TBL1XR1: variants seen among roughly 807,000 people sequenced by gnomAD.
TBL1XR1 encodes the protein F-box-like/WD repeat-containing protein TBL1XR1.
Under a neutral mutation model 66.9 loss-of-function variants are expected in TBL1XR1, and 5 were observed. The ratio of observed to expected loss-of-function variants is 0.07; its 90% CI spans 0.04 to 0.16. The LOEUF is 0.16. Among genes scored for constraint, TBL1XR1 ranks in the 10% least tolerant of loss-of-function variants. TBL1XR1 has a pLI of 1.00. For synonymous variants in TBL1XR1, 210 were observed against 206.0 expected (o/e 1.02, Z -0.17); for missense variants, 238 against 623.2 (o/e 0.38, Z 6.58).
upstream of TBL1XR1, among the ~76,000 whole-genome samples, chr3:177,198,802 G>T (rs1372591668): frequency 1.3e-5 from 2 of 151,840 alleles, no homozygotes; most frequent in African/African-American, 4.8e-5. Context: ...TTTGAAAATA[G>T]ATGTAGTGAT....
At chr3:177,160,021 A>G (rs1731987101) in intron 1 of TBL1XR1, among the ~76,000 whole-genome samples, 1 of 152,212 alleles carries the variant, frequency 6.6e-6, no homozygotes, top group Non-Finnish European at 1.5e-5. Flanking sequence ...AGACAGCTAG[A>G]TTTGCATGTA....
At chr3:177,089,342 C>A (rs1023998245) in intron 2 of TBL1XR1, among the ~76,000 whole-genome samples, 4 of 152,184 alleles carry the variant, frequency 2.6e-5, no homozygotes, top group African/African-American at 7.2e-5. Context: ...AGGTCAGGAG[C>A]TGCTGCCCTG....
At chr3:177,035,937 T>C (rs758891605) in intron 12 of TBL1XR1, among the ~76,000 whole-genome samples, 3 of 152,162 alleles carry the variant, frequency 2.0e-5, no homozygotes, top group Non-Finnish European at 2.9e-5. Context: ...TCAACACCAT[T>C]AGAGGGTAAC....
intron 1 of TBL1XR1, among the ~76,000 whole-genome samples, chr3:177,168,866 T>C (rs1435967521): frequency 6.6e-6 from 1 of 152,212 alleles, no homozygotes; most frequent in Non-Finnish European, 1.5e-5. Context: ...TCTTCAGCCA[T>C]TTTATGGTTT....
chr3:177,079,301 C>T (rs146878033), intron 2 of TBL1XR1, among the ~76,000 whole-genome samples: 11 of 151,690 alleles, frequency 7.3e-5, no homozygotes, highest in Non-Finnish European at 1.0e-4. Context: ...GGCGTGGTGG[C>T]AGGCGCCTGT....
At chr3:177,139,873 G>A (rs533907514) in intron 1 of TBL1XR1, among the ~76,000 whole-genome samples, 14 of 152,282 alleles carry the variant, frequency 9.2e-5, no homozygotes, top group African/African-American at 3.4e-4. Context: ...AGTAACTGGA[G>A]TCTCACCAGT....
At chr3:177,040,470 T>TA (rs36116224) in intron 10 of TBL1XR1, among the ~76,000 whole-genome samples, 5,632 of 152,264 alleles carry the variant, frequency 0.037, 146 homozygotes, top group South Asian at 0.056. Flanking sequence ...CTGGCTATGT[T>TA]AAAAATGAAA....
At chr3:177,050,263 G>T in intron 6 of TBL1XR1, 125 bp from the exon 7 acceptor site, 1 of 1,354,896 alleles carries the variant, frequency 7.4e-7, no homozygotes, top group East Asian at 2.3e-5. Context: ...TTCATTTCCA[G>T]TATTTTTCCC....
intron 1 of TBL1XR1, among the ~76,000 whole-genome samples, chr3:177,114,482 G>A (rs1726050746): frequency 6.6e-6 from 1 of 151,766 alleles, no homozygotes; most frequent in African/African-American, 2.4e-5. Flanking sequence ...TTAACTTTTT[G>A]TAGAGACGGG....
Position 177,026,266 on chromosome 3 carries a change from C to A in TBL1XR1, c.1518+107G>T, listed in dbSNP as rs1053960872. ...AGGAAAAAAAAAAATCAGTATCATA[C>A]CTTAAAATTTATTTTGAAAAAAACA... On this transcript the variant is annotated intron_variant, in intron 15 of 15. Transcript: ENST00000457928. 1.0e-5 allele frequency: 9 copies of A among 879,270 alleles called. No homozygotes were observed. In the African/African-American group the frequency reaches 1.2e-4, roughly 12 times the overall value. 54.5% of individuals were successfully genotyped at this position (879,270 alleles called of 1,614,324 possible).
In TBL1XR1 at chr3:177,158,417, C is replaced by T. The variant is rs144482921; in HGVS notation, c.-122+38704G>A. On this transcript the variant is annotated intron_variant, in intron 1 of 15. Coordinates refer to ENST00000457928, the MANE Select transcript of TBL1XR1 (RefSeq NM_024665.7). ...CTAATTTTTGTATTTTTAGTAGACA[C>T]GGAGTTTCACCATGTTGGCCAGGCT... 8.6e-3 allele frequency among the ~76,000 whole-genome samples: 1,301 copies of T among 151,878 alleles called. 20 individuals are homozygous for T. The highest frequency in any genetic ancestry group is 0.03 in the African/African-American group (1,246 of 41,428).
At chr3:177,032,459 C>CA (rs1714141213) in intron 14 of TBL1XR1, 1 of 152,092 alleles carries the variant, frequency 6.6e-6, no homozygotes, top group Non-Finnish European at 1.5e-5. Flanking sequence ...GTACATAGAG[C>CA]AAAAAACTAA....
intron 10 of TBL1XR1, 74 bp from the exon 11 acceptor site, chr3:177,038,508 T>C (rs766513673): frequency 1.2e-5 from 16 of 1,362,220 alleles, no homozygotes; most frequent in South Asian, 9.8e-5. Context: ...CTTTGAACCA[T>C]TGTTGACTAA....
chr3:177,111,002 A>G (rs868363688), intron 1 of TBL1XR1: 1 of 152,298 alleles, frequency 6.6e-6, no homozygotes, highest in African/African-American at 2.4e-5. Flanking sequence ...TCAACTAGAC[A>G]AATTCACAAA....
At chr3:177,157,272 A>G (rs772709981) in intron 1 of TBL1XR1, among the ~76,000 whole-genome samples, 3 of 152,170 alleles carry the variant, frequency 2.0e-5, no homozygotes, top group Non-Finnish European at 4.4e-5. Context: ...GTTTCTTTTG[A>G]CTTTTCTAGA....
chr3:177,121,845 A>C (rs761868282), intron 1 of TBL1XR1, among the ~76,000 whole-genome samples: 1 of 152,092 alleles, frequency 6.6e-6, no homozygotes, highest in Non-Finnish European at 1.5e-5. Context: ...GTTCTTAGCT[A>C]AAGATTTAAA....
At chr3:177,134,294 A>G (rs1728649612) in intron 1 of TBL1XR1, among the ~76,000 whole-genome samples, 1 of 152,178 alleles carries the variant, frequency 6.6e-6, no homozygotes, top group Non-Finnish European at 1.5e-5. Context: ...AGGAACCAAG[A>G]GTATGAAAGA....
intron 1 of TBL1XR1, among the ~76,000 whole-genome samples, chr3:177,169,636 C>T (rs1388609954): frequency 2.0e-5 from 3 of 152,214 alleles, no homozygotes; most frequent in Non-Finnish European, 4.4e-5. Flanking sequence ...TGGAGTGGTA[C>T]AACTTTTCCA....
At chr3:177,113,424 A>G (rs146557061) in intron 1 of TBL1XR1, among the ~76,000 whole-genome samples, 36 of 152,324 alleles carry the variant, frequency 2.4e-4, no homozygotes, top group African/African-American at 8.7e-4. Context: ...CAATAAACAG[A>G]GAAAAACAAT....
Sources: allele counts gnomAD v4.1 joint callset (sites outside exome capture counted in the v4.1 genomes callset), GRCh38; gene constraint gnomAD v4.1.1; transcripts MANE v1.5; gene names NCBI Gene and HGNC (gene_info 2026-07-23, HGNC 2026-07-21).